The following DNAH14 variants were observed in gnomAD, a reference collection of about 807,000 sequenced individuals.
DNAH14 encodes dynein axonemal heavy chain 14.
In DNAH14, 478 loss-of-function variants were observed where a neutral mutation model predicts 520.9. That is an observed-to-expected ratio of 0.92 (90% CI 0.85 to 0.99). The LOEUF is 0.99. DNAH14 is among the 50% of genes least tolerant of loss of function. The probability of loss-of-function intolerance (pLI) is 0.00; values close to 1 mark genes in which losing one functional copy is unlikely to be tolerated. For synonymous variants in DNAH14, 1,581 were observed against 1,757.2 expected (o/e 0.90, Z 2.51); for missense variants, 4,831 against 5,234.5 (o/e 0.92, Z 2.38).
At chr1:225,319,078 G>A (rs12732145) in intron 61 of DNAH14, among the ~76,000 whole-genome samples, 17,295 of 152,068 alleles carry the variant, frequency 0.11, 1,188 homozygotes, top group East Asian at 0.26. Flanking sequence ...CATTGTAAAC[G>A]GCTGCTTGTA....
intron 1 of DNAH14, among the ~76,000 whole-genome samples, chr1:224,950,935 A>T (rs1371414210): frequency 6.6e-6 from 1 of 152,138 alleles, no homozygotes; most frequent in Non-Finnish European, 1.5e-5. Flanking sequence ...CATTTGTGGC[A>T]ATTTGTTTTC....
chr1:225,135,608 T>C (rs1469282228), intron 27 of DNAH14, among the ~76,000 whole-genome samples: 1 of 152,122 alleles, frequency 6.6e-6, no homozygotes, highest in African/African-American at 2.4e-5. Flanking sequence ...TTAAAGTAAG[T>C]GTTGTGTGGC....
chr1:225,043,204 A>G, intron 13 of DNAH14, 90 bp downstream of exon 13: 3 of 1,163,076 alleles, frequency 2.6e-6, no homozygotes, highest in Non-Finnish European at 3.4e-6. Flanking sequence ...CTGAGGTGGG[A>G]GGATCACTTG....
At chr1:225,267,639 C>T (rs10915808) in intron 49 of DNAH14, among the ~76,000 whole-genome samples, 2,171 of 152,190 alleles carry the variant, frequency 0.014, 45 homozygotes, top group East Asian at 0.049. Context: ...GCACTTTTCT[C>T]TCTGTTCAGG....
At chr1:225,368,762 A>T (rs2095583217) in intron 77 of DNAH14, among the ~76,000 whole-genome samples, 1 of 152,046 alleles carries the variant, frequency 6.6e-6, no homozygotes. Context: ...ACCTAGACCC[A>T]CTCTAGATGG....
At chr1:225,373,322 G>A (rs553182539) in intron 77 of DNAH14, among the ~76,000 whole-genome samples, 1 of 152,186 alleles carries the variant, frequency 6.6e-6, no homozygotes, top group Admixed American at 6.5e-5. Flanking sequence ...AACCCTGTCC[G>A]AGCGTGGTGG....
chr1:224,975,576 C>T (rs2061768106), intron 8 of DNAH14, among the ~76,000 whole-genome samples: 1 of 151,222 alleles, frequency 6.6e-6, no homozygotes, highest in Non-Finnish European at 1.5e-5. Flanking sequence ...GGTGATATCC[C>T]CTTTATCATT....
At chr1:225,101,461 T>C (rs938799529) in intron 23 of DNAH14, among the ~76,000 whole-genome samples, 14 of 152,160 alleles carry the variant, frequency 9.2e-5, no homozygotes, top group Non-Finnish European at 2.9e-5. Context: ...TTATTCATTC[T>C]GTTTTTTGTA....
rs769049823 is a variant in DNAH14 at position 225,360,892 on chromosome 1, G to C, written c.11987+1G>C. 6.4e-7 allele frequency: 1 copy of C among 1,550,786 alleles called. No individual in the cohort carries two copies. ...CAAGGCTTTGCACAATTGTAGAATC[G>C]TAAGAGTTTTACATTTATCTGTAAG... On this transcript the variant is annotated splice_donor_variant, in intron 75 of 85. Coordinates refer to ENST00000682510, the MANE Select transcript of DNAH14 (RefSeq NM_001367479.1). LOFTEE classifies it high-confidence loss of function.
At chr1:225,024,860 A>G (rs1260319844) in intron 11 of DNAH14, among the ~76,000 whole-genome samples, 1 of 152,182 alleles carries the variant, frequency 6.6e-6, no homozygotes, top group Non-Finnish European at 1.5e-5. Flanking sequence ...TCATCATATT[A>G]TAGCAAATTT....
chr1:225,089,442 CAAAAAAAAAA>C (rs1169182387), intron 21 of DNAH14, among the ~76,000 whole-genome samples: 9 of 29,912 alleles, frequency 3.0e-4, no homozygotes, highest in African/African-American at 9.7e-4. Flanking sequence ...AAAACTCCGT[CAAAAAAAAAA>C]AAAAAAAAAA....
chr1:225,360,645 T>G, intron 74 of DNAH14, 36 bp from the exon 75 acceptor site: 1 of 1,504,770 alleles, frequency 6.6e-7, no homozygotes, highest in Non-Finnish European at 9.0e-7. Context: ...TTAAATGAGC[T>G]TACAGTTTTA....
chr1:225,091,611 C>T (rs1287138729), intron 21 of DNAH14, among the ~76,000 whole-genome samples: 3 of 152,126 alleles, frequency 2.0e-5, no homozygotes, highest in Non-Finnish European at 4.4e-5. Flanking sequence ...AAGACTACTA[C>T]TGATCATTAA....
chr1:225,274,430 G>A (rs1007476025), intron 52 of DNAH14, among the ~76,000 whole-genome samples: 6 of 151,740 alleles, frequency 4.0e-5, no homozygotes, highest in African/African-American at 1.5e-4. Flanking sequence ...TCCTGACCTC[G>A]TGATCCGCCC....
intron 61 of DNAH14, among the ~76,000 whole-genome samples, chr1:225,320,973 G>A (rs1229679765): frequency 1.3e-5 from 2 of 152,024 alleles, no homozygotes; most frequent in Non-Finnish European, 2.9e-5. Context: ...GTTTTAAATA[G>A]AGTTAAACCT....
intron 11 of DNAH14, among the ~76,000 whole-genome samples, chr1:225,032,165 T>A (rs1424752988): frequency 6.6e-6 from 1 of 152,014 alleles, no homozygotes; most frequent in Non-Finnish European, 1.5e-5. Flanking sequence ...TTGTACATAT[T>A]ATTACATTAC....
chr1:225,274,753 A>C (rs2093424397), intron 52 of DNAH14, among the ~76,000 whole-genome samples: 1 of 152,266 alleles, frequency 6.6e-6, no homozygotes, highest in Admixed American at 6.5e-5. Context: ...TCCTATGGAC[A>C]GCAAAGGCAA....
At chr1:225,164,945 C>T (rs899502559) in intron 35 of DNAH14, among the ~76,000 whole-genome samples, 7 of 151,992 alleles carry the variant, frequency 4.6e-5, no homozygotes, top group Non-Finnish European at 8.8e-5. Flanking sequence ...GAAATTGTTT[C>T]AAACTTACTT....
Position 225,377,429 on chromosome 1 carries a change from A to G in DNAH14, c.12709A>G (p.Met4237Val). The G allele has an allele frequency of 6.5e-7, 1 of 1,547,776 alleles. No homozygotes were observed. ...ACCAAAAACTACCACTGCCAACCTC[A>G]TGATCAGGTAAGAACTCGCTAGGAA... is the stretch of plus-strand genomic sequence containing the variant. ...MQPKTTTANL[M>V]IRPEQSKDEL... is the part of the protein sequence containing the mutation. The change falls in exon 79 of 86, where the codon ATG becomes GTG. Residue 4237 changes from methionine to valine, a missense_variant. Physicochemically the swap from Met to Val is conservative, Grantham distance 21. Transcript: ENST00000682510.
Sources: allele counts gnomAD v4.1 joint callset (sites outside exome capture counted in the v4.1 genomes callset), GRCh38; gene constraint gnomAD v4.1.1; transcripts MANE v1.5; gene names NCBI Gene and HGNC (gene_info 2026-07-23, HGNC 2026-07-21).